PCDH11X: variants seen among roughly 807,000 people sequenced by gnomAD.
PCDH11X encodes protocadherin-11 X-linked.
Under a neutral mutation model 53.3 loss-of-function variants are expected in PCDH11X, and 18 were observed. The observed-to-expected ratio is 0.34, with a 90% CI of 0.23 to 0.50. The LOEUF (loss-of-function observed/expected upper bound fraction) is 0.50, where lower values mean the gene tolerates loss of function less well. PCDH11X is among the 20% of genes least tolerant of loss of function. The pLI is 0.98. For synonymous variants in PCDH11X, 279 were observed against 393.3 expected (o/e 0.71, Z 3.44); for missense variants, 570 against 1,032.4 (o/e 0.55, Z 6.14).
chrX:92,441,051 A>G (rs1307223230), intron 9 of PCDH11X, among the ~76,000 whole-genome samples: 1 of 110,955 alleles, frequency 9.0e-6, no homozygotes, highest in Admixed American at 9.6e-5. Flanking sequence ...AAAGAGACGG[A>G]TGGCACTTTT....
At chrX:91,939,489 C>A (rs1394919845) in intron 6 of PCDH11X, among the ~76,000 whole-genome samples, 1 of 109,122 alleles carries the variant, frequency 9.2e-6, no homozygotes, top group Non-Finnish European at 1.9e-5. Flanking sequence ...CTCATCAAGT[C>A]AAGAAGGTTA....
At chrX:91,791,648 C>G (rs969642723) in intron 1 of PCDH11X, among the ~76,000 whole-genome samples, 1 of 105,049 alleles carries the variant, frequency 9.5e-6, no homozygotes, top group Non-Finnish European at 1.9e-5. Context: ...TAATGGGGCA[C>G]GTATAGCAGC....
intron 5 of PCDH11X, among the ~76,000 whole-genome samples, chrX:91,859,732 TG>T (rs1234936331): frequency 2.3e-5 from 2 of 87,277 alleles, no homozygotes; most frequent in Non-Finnish European, 4.4e-5. Flanking sequence ...CCCCATTGCT[TG>T]TTTTTTTTTT....
chrX:92,471,923 C>T (rs1327254179), intron 10 of PCDH11X, among the ~76,000 whole-genome samples: 1 of 110,688 alleles, frequency 9.0e-6, no homozygotes, highest in Non-Finnish European at 1.9e-5. Context: ...AAAGTGTCTG[C>T]TCATGTATTT....
chrX:92,309,614 C>A (rs950477492), intron 8 of PCDH11X, among the ~76,000 whole-genome samples: 1 of 111,838 alleles, frequency 8.9e-6, no homozygotes, highest in Non-Finnish European at 1.9e-5. Context: ...GTACTTAATG[C>A]TACTGAAGTG....
At chrX:91,891,645 G>T (rs1056373717) in intron 6 of PCDH11X, among the ~76,000 whole-genome samples, 8 of 106,723 alleles carry the variant, frequency 7.5e-5, no homozygotes, top group Admixed American at 7.4e-4. Context: ...ATTTGATAAA[G>T]CATTATCGAT....
chrX:92,252,374 T>TACACACACACACACAC lies in PCDH11X; in HGVS notation c.3115-10731_3115-10716dup, dbSNP rs757873528. 4.6e-3 allele frequency among the ~76,000 whole-genome samples: 483 copies of TACACACACACACACAC among 104,594 alleles called. 1 individual carries two copies. The highest frequency in any genetic ancestry group is 7.2e-3 in the African/African-American group (204 of 28,296). 90.8% of individuals were successfully genotyped at this position (104,594 alleles called of 115,157 possible). A position where few individuals can be genotyped will look rare whatever the true frequency, so the allele number is the denominator to read the frequency against. ...TTCACAAGCTTCTAGTTTGTCATGT[T>TACACACACACACACAC]ACACACACACACACACACACACACG... On this transcript the variant is annotated intron_variant, in intron 7 of 10. Transcript: ENST00000682573.
intron 6 of PCDH11X, among the ~76,000 whole-genome samples, chrX:91,894,647 G>A (rs755026805): frequency 5.2e-4 from 58 of 111,080 alleles, no homozygotes; most frequent in African/African-American, 1.9e-3. Context: ...TTCCAAATAT[G>A]CCTTAACTCT....
At chrX:92,351,264 G>A (rs933673980) in intron 8 of PCDH11X, among the ~76,000 whole-genome samples, 15 of 111,655 alleles carry the variant, frequency 1.3e-4, no homozygotes, top group African/African-American at 4.9e-4. Context: ...CTTTTGTGTA[G>A]GTTCACAAAT....
intron 9 of PCDH11X, chrX:92,459,953 G>A: frequency 1.7e-6 from 2 of 1,173,787 alleles, no homozygotes; most frequent in South Asian, 1.8e-5. Context: ...TACCTGGACA[G>A]AGTGAGGAGC....
intron 10 of PCDH11X, among the ~76,000 whole-genome samples, chrX:92,616,811 T>A (rs1191111443): frequency 1.8e-5 from 2 of 110,933 alleles, no homozygotes; most frequent in Non-Finnish European, 3.8e-5. Context: ...ATGTTGACTT[T>A]ACGGATCAAT....
chrX:92,142,370 GCACACACA>G (rs201418320), intron 6 of PCDH11X, among the ~76,000 whole-genome samples: 8 of 95,574 alleles, frequency 8.4e-5, no homozygotes, highest in South Asian at 1.0e-3. Flanking sequence ...GTGCGCGCGC[GCACACACA>G]CACACACACA....
intron 8 of PCDH11X, among the ~76,000 whole-genome samples, chrX:92,297,750 A>G (rs1441829566): frequency 1.8e-5 from 2 of 111,027 alleles, no homozygotes; most frequent in East Asian, 5.7e-4. Flanking sequence ...TGTTTGTTTT[A>G]ACAATATTGA....
chrX:92,074,228 G>T (rs1683610214), intron 6 of PCDH11X, among the ~76,000 whole-genome samples: 1 of 111,239 alleles, frequency 9.0e-6, no homozygotes, highest in African/African-American at 3.3e-5. Context: ...TAATACTTCT[G>T]TAATGAAAGA....
intron 10 of PCDH11X, among the ~76,000 whole-genome samples, chrX:92,489,663 A>T (rs2148682779): frequency 9.3e-6 from 1 of 107,148 alleles, no homozygotes; most frequent in Non-Finnish European, 1.9e-5. Flanking sequence ...TTACTATCAA[A>T]AATATTCCTA....
At position 92,215,778 on chromosome X, in the gene PCDH11X, C is replaced by T. The variant is rs368425203; in HGVS notation, c.3114+14323C>T. On this transcript the variant is annotated intron_variant, in intron 7 of 10. Coordinates refer to ENST00000682573, the MANE Select transcript of PCDH11X (RefSeq NM_032968.5). Reference sequence around the variant, plus strand: ...AAGTGTATCCCTGACCCCTGACTCCCGAGCAGCCTAACTGGGAGGCACCCC... The same window carrying T: ...AAGTGTATCCCTGACCCCTGACTCCTGAGCAGCCTAACTGGGAGGCACCCC... 1.4e-4 allele frequency among the ~76,000 whole-genome samples: 15 copies of T among 106,643 alleles called. No individual in the cohort carries two copies. In the South Asian group the frequency reaches 3.0e-3, roughly 21 times the overall value. The allele number at this position is 106,643 out of a possible 115,157, so 92.6% of individuals were successfully genotyped here. A position where few individuals can be genotyped will look rare whatever the true frequency, so the allele number is the denominator to read the frequency against.
chrX:91,788,940 C>CT (rs1160565961), intron 1 of PCDH11X, among the ~76,000 whole-genome samples: 1 of 111,716 alleles, frequency 9.0e-6, no homozygotes, highest in Non-Finnish European at 1.9e-5. Flanking sequence ...CGGCTCACGC[C>CT]TGTAATCCCA....
chrX:92,152,749 TTTTA>T (rs779576242), intron 6 of PCDH11X, among the ~76,000 whole-genome samples: 24 of 80,571 alleles, frequency 3.0e-4, no homozygotes, highest in South Asian at 2.8e-3. Context: ...TATATTTTTA[TTTTA>T]TGTATGTATG....
chrX:92,462,220 A>G (rs1339654207), intron 9 of PCDH11X, among the ~76,000 whole-genome samples: 1 of 111,892 alleles, frequency 8.9e-6, no homozygotes, highest in Non-Finnish European at 1.9e-5. Flanking sequence ...CAAAGCTTCG[A>G]AATTGGGTAA....
Sources: gnomAD v4.1 joint callset for allele counts (sites outside exome capture counted in the v4.1 genomes callset) on GRCh38, gnomAD v4.1.1 for gene constraint, MANE v1.5 for transcripts, NCBI Gene and HGNC (gene_info 2026-07-23, HGNC 2026-07-21) for gene names.